PTP4A1: variants seen among roughly 807,000 people sequenced by gnomAD.
The protein encoded by PTP4A1 is protein tyrosine phosphatase type IVA 1.
A neutral mutation model predicts 20.5 loss-of-function variants in PTP4A1; 9 were observed. The observed-to-expected ratio is 0.44, with a 90% CI of 0.26 to 0.77. PTP4A1 has a LOEUF of 0.77. Among genes scored for constraint, PTP4A1 ranks in the 30% least tolerant of loss-of-function variants. PTP4A1 has a pLI of 0.19. For synonymous variants in PTP4A1, 78 were observed against 67.4 expected, an observed-to-expected ratio of 1.16 and a Z score of -0.77; for missense variants, 137 against 218.8, an observed-to-expected ratio of 0.63 and a Z score of 2.36.
intron 2 of PTP4A1, among the ~76,000 whole-genome samples, chr6:63,529,938 A>T (rs1273833091): frequency 6.6e-6 from 1 of 152,208 alleles, no homozygotes; most frequent in African/African-American, 2.4e-5. Context: ...ATATTTTGCC[A>T]TTACAAATAG....
chr6:63,542,789 A>T (rs796204336), intron 2 of PTP4A1, among the ~76,000 whole-genome samples: 31 of 152,038 alleles, frequency 2.0e-4, no homozygotes, highest in African/African-American at 7.2e-4. Flanking sequence ...CAAATCCTAC[A>T]TCCTTTCCAT....
intron 2 of PTP4A1, among the ~76,000 whole-genome samples, chr6:63,542,501 G>A (rs1776025304): frequency 6.6e-6 from 1 of 151,792 alleles, no homozygotes. Flanking sequence ...CCAAGTCACA[G>A]CAAAACTTTT....
chr6:63,526,521 A>AT (rs1355901309), intron 1 of PTP4A1, among the ~76,000 whole-genome samples: 2 of 151,742 alleles, frequency 1.3e-5, no homozygotes, highest in Non-Finnish European at 2.9e-5. Flanking sequence ...TTTTAAAAAG[A>AT]TTTTTAGGCC....
chr6:63,524,837 C>T (rs779577217), intron 1 of PTP4A1, among the ~76,000 whole-genome samples: 5 of 152,100 alleles, frequency 3.3e-5, no homozygotes, highest in Non-Finnish European at 5.9e-5. Context: ...GAATTATAAA[C>T]ATTATATGTG....
chr6:63,541,550 A>G (rs983026588), intron 2 of PTP4A1, among the ~76,000 whole-genome samples: 2 of 152,110 alleles, frequency 1.3e-5, no homozygotes, highest in Non-Finnish European at 2.9e-5. Flanking sequence ...CTCAAGAAAA[A>G]CAATTTAAGT....
At chr6:63,539,246 T>A (rs917297158) in intron 2 of PTP4A1, among the ~76,000 whole-genome samples, 1 of 152,202 alleles carries the variant, frequency 6.6e-6, no homozygotes, top group Non-Finnish European at 1.5e-5. Flanking sequence ...AGAATTTGTT[T>A]AAAATTACAT....
intron 2 of PTP4A1, among the ~76,000 whole-genome samples, chr6:63,535,176 C>G (rs1251538262): frequency 2.0e-5 from 3 of 151,926 alleles, no homozygotes; most frequent in Non-Finnish European, 2.9e-5. Flanking sequence ...ATTAAAAACA[C>G]AGTAATAGGA....
At chr6:63,527,250 A>G (rs1360019469) in intron 1 of PTP4A1, among the ~76,000 whole-genome samples, 1 of 152,208 alleles carries the variant, frequency 6.6e-6, no homozygotes, top group African/African-American at 2.4e-5. Context: ...AACAGAGCAC[A>G]TGTTCTCTTC....
chr6:63,550,931 AT>A (rs1298045677), intron 3 of PTP4A1, among the ~76,000 whole-genome samples: 2 of 151,880 alleles, frequency 1.3e-5, no homozygotes, highest in Non-Finnish European at 2.9e-5. Flanking sequence ...CAGCCCCATA[AT>A]TTTTTTCAAA....
chr6:63,558,901 TG>T (rs756586139), intron 3 of PTP4A1, among the ~76,000 whole-genome samples: 83 of 152,326 alleles, frequency 5.4e-4, no homozygotes, highest in Middle Eastern at 6.8e-3. Flanking sequence ...GTAGGATTGT[TG>T]TAAGAGTTAG....
At chr6:63,578,227 G>A (rs556641461) in intron 2 of PTP4A1, among the ~76,000 whole-genome samples, 6 of 152,196 alleles carry the variant, frequency 3.9e-5, no homozygotes, top group African/African-American at 1.4e-4. Flanking sequence ...AATATGTATG[G>A]TATTTAATAT....
At chr6:63,553,130 G>C (rs182491904) in intron 3 of PTP4A1, among the ~76,000 whole-genome samples, 2 of 152,270 alleles carry the variant, frequency 1.3e-5, no homozygotes, top group East Asian at 3.9e-4. Flanking sequence ...ATTCAAACCA[G>C]TTTTTCCTCC....
intron 3 of PTP4A1, among the ~76,000 whole-genome samples, chr6:63,553,474 G>A (rs1776537526): frequency 6.6e-6 from 1 of 152,168 alleles, no homozygotes; most frequent in Non-Finnish European, 1.5e-5. Flanking sequence ...CTAAAAATAA[G>A]TTCTTCTTGG....
At chr6:63,576,265 T>C (rs1260222133) in intron 1 of PTP4A1, among the ~76,000 whole-genome samples, 171 bp from the exon 2 acceptor site, 2 of 152,172 alleles carry the variant, frequency 1.3e-5, no homozygotes, top group Non-Finnish European at 2.9e-5. Flanking sequence ...TGCTGATTGA[T>C]TTAATCTGTA....
chr6:63,571,039 A>G (rs889779026), upstream of PTP4A1: 4 of 152,316 alleles, frequency 2.6e-5, no homozygotes, highest in African/African-American at 9.6e-5. Flanking sequence ...GTAAAGGGAC[A>G]TATTTCTCAA....
intron 1 of PTP4A1, among the ~76,000 whole-genome samples, chr6:63,572,964 C>T (rs1044623859): frequency 1.3e-5 from 2 of 152,094 alleles, no homozygotes; most frequent in South Asian, 2.1e-4. Context: ...GAGGCACCGG[C>T]TTTTGAGTCC....
intron 3 of PTP4A1, among the ~76,000 whole-genome samples, chr6:63,563,935 A>T (rs1450367372): frequency 6.6e-6 from 1 of 152,238 alleles, no homozygotes; most frequent in Non-Finnish European, 1.5e-5. Context: ...ATAGTGGTTG[A>T]GTATTTACTA....
chr6:63,542,835 A>G (rs1581921946), intron 2 of PTP4A1, among the ~76,000 whole-genome samples: 1 of 151,238 alleles, frequency 6.6e-6, no homozygotes, highest in Non-Finnish European at 1.5e-5. Context: ...TATTATCACC[A>G]CCTCCACCCC....
In PTP4A1 at chr6:63,580,674, A is replaced by G. The variant is rs1778170713; in HGVS notation, c.*500A>G. The stretch of plus-strand genomic sequence containing the variant: ...ACATGGTTATTTGCCTGCTCACTTT[A>G]TGTTTACATCTCCCACATTCATACC... On this transcript the variant is annotated 3_prime_UTR_variant, in exon 6 of 6. Transcript: ENST00000626021. 6.6e-6 allele frequency: 1 copy of G among 152,516 alleles called. No homozygotes were observed. Among genetic ancestry groups the G allele is most frequent in the Non-Finnish European group, 1.5e-5 (1 of 68,242 alleles). 9.4% of individuals were successfully genotyped at this position (152,516 alleles called of 1,614,324 possible).
Sources: gnomAD v4.1 joint callset for allele counts (sites outside exome capture counted in the v4.1 genomes callset) on GRCh38, gnomAD v4.1.1 for gene constraint, MANE v1.5 for transcripts, NCBI Gene and HGNC (gene_info 2026-07-23, HGNC 2026-07-21) for gene names.